EPHB1: variants seen among roughly 807,000 people sequenced by gnomAD.
EPHB1 encodes ephrin type-B receptor 1.
In EPHB1, 30 loss-of-function variants were observed where a neutral mutation model predicts 94.4. That is an observed-to-expected ratio of 0.32 (90% CI 0.24 to 0.43). The LOEUF (loss-of-function observed/expected upper bound fraction) is 0.43, where lower values mean the gene tolerates loss of function less well. Ranked by LOEUF, EPHB1 falls within the 20% of genes least tolerant of loss-of-function variation. The pLI is 1.00. For synonymous variants in EPHB1, 522 were observed against 489.1 expected (o/e 1.07, Z -0.89); for missense variants, 1,055 against 1,308.3 (o/e 0.81, Z 2.99).
intron 7 of EPHB1, among the ~76,000 whole-genome samples, chr3:135,164,761 A>T (rs1231290527): frequency 6.9e-6 from 1 of 145,052 alleles, no homozygotes; most frequent in Non-Finnish European, 1.5e-5. Flanking sequence ...GTGAGCCAAG[A>T]TTGTGCCACT....
chr3:135,234,042 G>A (rs769496155), intron 12 of EPHB1, among the ~76,000 whole-genome samples: 24 of 152,168 alleles, frequency 1.6e-4, no homozygotes, highest in Non-Finnish European at 2.9e-4. Context: ...ACATGCCCTG[G>A]AGACTCAGCT....
intron 3 of EPHB1, among the ~76,000 whole-genome samples, chr3:135,056,643 G>A (rs553981210): frequency 2.1e-4 from 32 of 152,390 alleles, no homozygotes; most frequent in African/African-American, 6.7e-4. Flanking sequence ...CTCAGAGAAA[G>A]AAGTTAAATT....
intron 15 of EPHB1, among the ~76,000 whole-genome samples, chr3:135,257,331 T>C (rs1196092508): frequency 2.0e-5 from 3 of 152,200 alleles, no homozygotes; most frequent in South Asian, 2.1e-4. Flanking sequence ...TTCTGTTTTT[T>C]CCCCATCTTT....
At chr3:134,833,915 A>G (rs1190727842) in intron 1 of EPHB1, among the ~76,000 whole-genome samples, 3 of 152,194 alleles carry the variant, frequency 2.0e-5, no homozygotes, top group African/African-American at 7.2e-5. Context: ...ATAAGCAGAG[A>G]TAGTTACGGA....
At position 135,076,261 on chromosome 3, in the gene EPHB1, A is replaced by ATATATATATATATG. The variant is rs1553729687; in HGVS notation, c.806-30187_806-30186insTATATATATATATG. Among the ~76,000 whole-genome samples the ATATATATATATATG allele has an allele frequency of 8.6e-3, 961 of 112,378 alleles. 18 individuals carry two copies. The highest frequency in any genetic ancestry group is 0.027 in the East Asian group (122 of 4,458). The allele number at this position is 112,378 out of a possible 152,430, so 73.7% of individuals were successfully genotyped here. On this transcript the variant is annotated intron_variant, in intron 3 of 15. Transcript: ENST00000398015. ...TATATATATATATATATATATATAT[A>ATATATATATATATG]ACTCTTAAATGCATTAGTAAAAAGT...
At chr3:135,257,627 C>A (rs565430642) in intron 15 of EPHB1, among the ~76,000 whole-genome samples, 53 of 151,674 alleles carry the variant, frequency 3.5e-4, no homozygotes, top group African/African-American at 1.1e-3. Flanking sequence ...TCAAAGCTGT[C>A]AGACAGGGAC....
intron 3 of EPHB1, among the ~76,000 whole-genome samples, chr3:135,035,650 A>T (rs945604414): frequency 6.6e-6 from 1 of 152,110 alleles, no homozygotes; most frequent in African/African-American, 2.4e-5. Context: ...ACTCATTTTC[A>T]TGGGTCTGGC....
intron 3 of EPHB1, among the ~76,000 whole-genome samples, chr3:134,958,413 AGTGTGTGTGTGTGTGTGTGT>A (rs3067407): frequency 3.1e-5 from 3 of 97,668 alleles, no homozygotes; most frequent in African/African-American, 6.9e-5. Context: ...AACACAAGGG[AGTGTGTGTGTGTGTGTGTGT>A]GTGTGTGTGT....
intron 12 of EPHB1, among the ~76,000 whole-genome samples, chr3:135,213,583 T>C (rs1943078443): frequency 6.6e-6 from 1 of 152,216 alleles, no homozygotes; most frequent in Non-Finnish European, 1.5e-5. Context: ...GATTAACTTA[T>C]TGCATTTGGA....
intron 3 of EPHB1, among the ~76,000 whole-genome samples, chr3:134,985,305 C>T (rs553937796): frequency 6.6e-5 from 10 of 152,194 alleles, no homozygotes; most frequent in South Asian, 4.2e-4. Flanking sequence ...ACTACAGGTG[C>T]GCACCACCAC....
intron 4 of EPHB1, among the ~76,000 whole-genome samples, chr3:135,118,324 C>A (rs1283678220): frequency 6.6e-6 from 1 of 152,198 alleles, no homozygotes; most frequent in Non-Finnish European, 1.5e-5. Context: ...CATGTGCATA[C>A]CTCTAACACT....
intron 3 of EPHB1, among the ~76,000 whole-genome samples, chr3:134,991,315 C>T (rs1024503668): frequency 2.0e-5 from 3 of 152,164 alleles, no homozygotes; most frequent in Admixed American, 2.0e-4. Flanking sequence ...AGTACAGATG[C>T]ATCGGTGTAC....
chr3:135,091,869 G>A (rs374387103), intron 3 of EPHB1, among the ~76,000 whole-genome samples: 70 of 152,272 alleles, frequency 4.6e-4, no homozygotes, highest in Non-Finnish European at 9.7e-4. Flanking sequence ...CAGCCTGTGC[G>A]TCTGGGGCTC....
At chr3:134,856,375 C>A (rs2037117957) in intron 1 of EPHB1, among the ~76,000 whole-genome samples, 1 of 152,192 alleles carries the variant, frequency 6.6e-6, no homozygotes. Context: ...AGCCACATTT[C>A]ATGTTCCCCA....
At chr3:135,044,844 T>C (rs896223602) in intron 3 of EPHB1, among the ~76,000 whole-genome samples, 3 of 152,228 alleles carry the variant, frequency 2.0e-5, no homozygotes, top group African/African-American at 7.2e-5. Context: ...TATTCCTAGC[T>C]GATGCATTAT....
chr3:134,827,126 G>A (rs2036494137), intron 1 of EPHB1, among the ~76,000 whole-genome samples: 1 of 152,192 alleles, frequency 6.6e-6, no homozygotes, highest in African/African-American at 2.4e-5. Context: ...ACTTTCACAT[G>A]AGTCAACTCA....
intron 3 of EPHB1, among the ~76,000 whole-genome samples, chr3:135,026,528 A>G (rs2107757369): frequency 6.9e-6 from 1 of 145,634 alleles, no homozygotes; most frequent in African/African-American, 2.7e-5. Flanking sequence ...AGTTGTAGAT[A>G]TGCGGCGTTA....
At chr3:135,072,134 G>A (rs1048907448) in intron 3 of EPHB1, among the ~76,000 whole-genome samples, 1 of 152,098 alleles carries the variant, frequency 6.6e-6, no homozygotes, top group Non-Finnish European at 1.5e-5. Flanking sequence ...AGCTCTTTGG[G>A]AGACCCAGTC....
chr3:135,094,305 C>T (rs1183644913), intron 3 of EPHB1, among the ~76,000 whole-genome samples: 2 of 152,226 alleles, frequency 1.3e-5, no homozygotes, highest in Non-Finnish European at 2.9e-5. Context: ...GGCCCTGCCC[C>T]TTCCCAGTCT....
Sources: gnomAD v4.1 joint callset for allele counts (sites outside exome capture counted in the v4.1 genomes callset) on GRCh38, gnomAD v4.1.1 for gene constraint, MANE v1.5 for transcripts, NCBI Gene and HGNC (gene_info 2026-07-23, HGNC 2026-07-21) for gene names.